The following PARD3B variants were observed in gnomAD, a reference collection of about 807,000 sequenced individuals.
PARD3B encodes partitioning defective 3 homolog B.
Under a neutral mutation model 130.2 loss-of-function variants are expected in PARD3B, and 103 were observed. The ratio of observed to expected loss-of-function variants is 0.79; its 90% confidence interval spans 0.67 to 0.93. The LOEUF is 0.93. Among genes scored for constraint, PARD3B ranks in the 40% least tolerant of loss-of-function variants. PARD3B has a pLI of 0.00. For missense variants in PARD3B, 1,609 were observed against 1,499.2 expected (o/e 1.07, Z -1.21); for synonymous variants, 583 against 553.2 (o/e 1.05, Z -0.76).
chr2:204,892,547 G>C (rs1416775333), intron 2 of PARD3B, among the ~76,000 whole-genome samples: 1 of 152,144 alleles, frequency 6.6e-6, no homozygotes, highest in South Asian at 2.1e-4. Context: ...TGAAGATGTC[G>C]TATGAAAACT....
At chr2:204,638,880 G>T (rs949567177) in intron 1 of PARD3B, among the ~76,000 whole-genome samples, 8 of 152,160 alleles carry the variant, frequency 5.3e-5, no homozygotes, top group Non-Finnish European at 1.0e-4. Context: ...GACCTATTCT[G>T]CCTTTGTTTC....
chr2:205,279,477 A>G (rs1351697536), intron 16 of PARD3B, among the ~76,000 whole-genome samples: 4 of 152,128 alleles, frequency 2.6e-5, no homozygotes, highest in African/African-American at 9.7e-5. Context: ...AATTATGTAC[A>G]TTTGCCATAA....
At chr2:204,594,395 T>A (rs2033200202) in intron 1 of PARD3B, among the ~76,000 whole-genome samples, 1 of 152,198 alleles carries the variant, frequency 6.6e-6, no homozygotes, top group South Asian at 2.1e-4. Context: ...TCACTCTAAG[T>A]AGGATGTGAA....
chr2:205,380,763 ATATATATAATATATAAAGAATATACAT>A (rs1345929238), intron 18 of PARD3B, among the ~76,000 whole-genome samples: 4 of 103,552 alleles, frequency 3.9e-5, no homozygotes, highest in South Asian at 3.3e-4. Context: ...TATATAAAGA[ATATATATAATATATAAAGAATATACAT>A]TATATATAAT....
chr2:205,490,237 G>A lies in PARD3B; in HGVS notation c.3045-9659G>A, dbSNP rs958240657. 1.4e-4 allele frequency among the ~76,000 whole-genome samples: 22 copies of A among 151,940 alleles called. No homozygotes were observed. The East Asian group carries it at 2.1e-3, about 15-fold the overall frequency. On this transcript the variant is annotated intron_variant, in intron 20 of 22. Coordinates refer to ENST00000406610, the MANE Select transcript of PARD3B (RefSeq NM_001302769.2). ...GTTAACTCGTCATTTAACATTAGGT[G>A]TATCTCCTAATGCTATCCCTCCCCA... is the stretch of plus-strand genomic sequence containing the variant.
intron 2 of PARD3B, among the ~76,000 whole-genome samples, chr2:204,933,144 A>G (rs996606574): frequency 6.6e-6 from 1 of 152,190 alleles, no homozygotes; most frequent in Non-Finnish European, 1.5e-5. Context: ...AACTGTTTTC[A>G]TCGTTAGAAT....
At chr2:204,917,557 G>A (rs781773397) in intron 2 of PARD3B, among the ~76,000 whole-genome samples, 3 of 152,142 alleles carry the variant, frequency 2.0e-5, no homozygotes, top group Admixed American at 2.0e-4. Context: ...CAGGAGTTTC[G>A]TTTGGGACAT....
intron 6 of PARD3B, among the ~76,000 whole-genome samples, chr2:205,114,725 C>T (rs937852485): frequency 6.7e-6 from 1 of 148,736 alleles, no homozygotes; most frequent in Non-Finnish European, 1.5e-5. Context: ...AGGTAGCCAT[C>T]TGCTACCTGT....
rs115310699 is a variant in PARD3B, at chr2:204,859,822, G to T, written c.223-105330G>T. On this transcript the variant is annotated intron_variant, in intron 2 of 22. Transcript: ENST00000406610. ...AAATCCTGAAACTCTCTTCCTTTAA[G>T]GAATTTCCTGGTGGCCTTAGGGAGG... Among the ~76,000 whole-genome samples the T allele has an allele frequency of 5.8e-3, 887 of 152,226 alleles. 10 individuals are homozygous for T. The highest frequency in any genetic ancestry group is 0.021 in the African/African-American group (857 of 41,548).
At chr2:205,604,494 C>T (rs574391455) in intron 22 of PARD3B, among the ~76,000 whole-genome samples, 12 of 152,158 alleles carry the variant, frequency 7.9e-5, no homozygotes, top group African/African-American at 2.7e-4. Flanking sequence ...CTGGGTCCCT[C>T]GCACAACACT....
intron 2 of PARD3B, among the ~76,000 whole-genome samples, chr2:204,747,068 A>G (rs2125377675): frequency 6.6e-6 from 1 of 152,230 alleles, no homozygotes. Context: ...TATGTCCTGA[A>G]TGGTATTGCC....
At chr2:205,532,124 C>T (rs1228887682) in intron 21 of PARD3B, among the ~76,000 whole-genome samples, 2 of 152,094 alleles carry the variant, frequency 1.3e-5, no homozygotes, top group Non-Finnish European at 2.9e-5. Flanking sequence ...CCTTGGCATT[C>T]GAACATGGAT....
At chr2:205,602,384 G>A (rs1481330733) in intron 22 of PARD3B, among the ~76,000 whole-genome samples, 1 of 152,192 alleles carries the variant, frequency 6.6e-6, no homozygotes, top group Non-Finnish European at 1.5e-5. Context: ...GATGATGCTA[G>A]CCTCATAAAA....
chr2:205,607,792 A>T (rs535261209), intron 22 of PARD3B, among the ~76,000 whole-genome samples: 1 of 149,834 alleles, frequency 6.7e-6, no homozygotes, highest in South Asian at 2.1e-4. Context: ...CTGTGTCTTA[A>T]TGAAATCATG....
At chr2:204,764,239 A>G (rs2041034648) in intron 2 of PARD3B, among the ~76,000 whole-genome samples, 1 of 152,170 alleles carries the variant, frequency 6.6e-6, no homozygotes, top group South Asian at 2.1e-4. Context: ...TGGTAGCTCC[A>G]CCGCATCCTT....
chr2:205,602,574 A>T (rs1314811137), intron 22 of PARD3B, among the ~76,000 whole-genome samples: 3 of 152,048 alleles, frequency 2.0e-5, no homozygotes, highest in Non-Finnish European at 1.5e-5. Flanking sequence ...CTATTCAGGG[A>T]TTCACCTTCC....
chr2:205,430,641 G>A (rs1250431915), intron 19 of PARD3B, among the ~76,000 whole-genome samples: 2 of 152,104 alleles, frequency 1.3e-5, no homozygotes, highest in Non-Finnish European at 2.9e-5. Flanking sequence ...GGGGATGGAG[G>A]AATAAGTTAA....
intron 21 of PARD3B, among the ~76,000 whole-genome samples, chr2:205,520,287 T>C (rs373717724): frequency 2.6e-5 from 4 of 152,110 alleles, no homozygotes; most frequent in Admixed American, 6.5e-5. Flanking sequence ...TGATAAGTAG[T>C]GGTGGATATG....
At chr2:204,881,820 A>G (rs1314201382) in intron 2 of PARD3B, among the ~76,000 whole-genome samples, 1 of 152,208 alleles carries the variant, frequency 6.6e-6, no homozygotes, top group Non-Finnish European at 1.5e-5. Context: ...TCTGCTATCA[A>G]GGACTGCCTA....
Sources: gnomAD v4.1 joint callset for allele counts (sites outside exome capture counted in the v4.1 genomes callset) on GRCh38, gnomAD v4.1.1 for gene constraint, MANE v1.5 for transcripts, NCBI Gene and HGNC (gene_info 2026-07-23, HGNC 2026-07-21) for gene names.